NAA35: variants seen among roughly 807,000 people sequenced by gnomAD.
NAA35 encodes the protein N-alpha-acetyltransferase 35, NatC auxiliary subunit.
In NAA35, 18 loss-of-function variants were observed where a neutral mutation model predicts 101.7. The ratio of observed to expected loss-of-function variants is 0.18; its 90% confidence interval spans 0.12 to 0.26. The LOEUF (loss-of-function observed/expected upper bound fraction) is 0.26. Ranked by LOEUF, NAA35 falls within the 10% of genes least tolerant of loss-of-function variation. The probability of loss-of-function intolerance (pLI) is 1.00; values close to 1 mark genes in which losing one functional copy is unlikely to be tolerated. For synonymous variants in NAA35, 267 were observed against 273.1 expected (o/e 0.98, Z 0.22); for missense variants, 601 against 886.8 (o/e 0.68, Z 4.09).
At chr9:85,997,885 A>G (rs1483419551) in intron 12 of NAA35, among the ~76,000 whole-genome samples, 1 of 151,950 alleles carries the variant, frequency 6.6e-6, no homozygotes, top group Non-Finnish European at 1.5e-5. Context: ...ATACATATAT[A>G]TTTATGTATG....
Position 86,024,625 on chromosome 9 carries a change from T to C in NAA35, c.*2665T>C, listed in dbSNP as rs962567387. ...CAGAGGTACAGCTAATGGGACATGG[T>C]GAATGAGAGTTTCTGCCAAAATCAA... On this transcript the variant is annotated 3_prime_UTR_variant, in exon 23 of 23. Transcript: ENST00000361671. 1.3e-5 allele frequency among the ~76,000 whole-genome samples: 2 copies of C among 152,040 alleles called. No homozygotes were observed. The highest frequency in any genetic ancestry group is 4.8e-5 in the African/African-American group (2 of 41,380).
At chr9:85,951,381 A>C (rs1259959670) in intron 2 of NAA35, among the ~76,000 whole-genome samples, 2 of 152,168 alleles carry the variant, frequency 1.3e-5, no homozygotes, top group Non-Finnish European at 2.9e-5. Context: ...GCCTCACCAA[A>C]TATGTAGTTG....
chr9:86,021,051 C>A, intron 22 of NAA35, 82 bp downstream of exon 22: 1 of 1,025,126 alleles, frequency 9.8e-7, no homozygotes, highest in Non-Finnish European at 1.4e-6. Context: ...GTAAATATTA[C>A]AGGAAAAATT....
chr9:85,998,415 AT>A (rs1831272355), intron 12 of NAA35, among the ~76,000 whole-genome samples: 1 of 152,178 alleles, frequency 6.6e-6, no homozygotes, highest in Non-Finnish European at 1.5e-5. Flanking sequence ...ATTAAATTAC[AT>A]TTAGGTCATT....
chr9:85,989,838 G>A (rs981908732), intron 11 of NAA35, among the ~76,000 whole-genome samples: 6 of 152,124 alleles, frequency 3.9e-5, no homozygotes, highest in African/African-American at 1.4e-4. Context: ...GGAAGTAACG[G>A]GGAAGACTAA....
chr9:86,014,451 T>C (rs1832104026), intron 17 of NAA35: 1 of 604,000 alleles, frequency 1.7e-6, no homozygotes, highest in Admixed American at 6.3e-5. Flanking sequence ...TTGAGCATAT[T>C]TTAGGCATGT....
intron 1 of NAA35, chr9:85,941,712 G>C: frequency 2.0e-6 from 2 of 986,582 alleles, no homozygotes; most frequent in Non-Finnish European, 2.4e-6. Context: ...TGGCCCGGGA[G>C]AGGTCCCAGC....
chr9:85,979,572 T>G (rs1368225613), intron 11 of NAA35, among the ~76,000 whole-genome samples: 1 of 152,210 alleles, frequency 6.6e-6, no homozygotes, highest in East Asian at 1.9e-4. Context: ...TAAATTTTGC[T>G]TCTAAGAGAA....
At chr9:85,971,073 T>C (rs1267866806) in intron 6 of NAA35, among the ~76,000 whole-genome samples, 1 of 152,268 alleles carries the variant, frequency 6.6e-6, no homozygotes, top group Non-Finnish European at 1.5e-5. Flanking sequence ...TATTGGCATG[T>C]AAACATGCTT....
intron 17 of NAA35, among the ~76,000 whole-genome samples, chr9:86,014,125 C>T (rs1832084781): frequency 6.6e-6 from 1 of 152,128 alleles, no homozygotes; most frequent in East Asian, 1.9e-4. Context: ...CAAAAAATGA[C>T]TCCAAAGTAA....
At position 85,994,911 on chromosome 9, in the gene NAA35, C is replaced by T. The variant is rs192754287; in HGVS notation, c.878-1488C>T. ...GTTACCAGTACAAAGAAGAGAGAAA[C>T]GTTTGAAGTGACAGATATCCTAATT... On this transcript the variant is annotated intron_variant, in intron 11 of 22. Coordinates refer to ENST00000361671, the MANE Select transcript of NAA35 (RefSeq NM_024635.4). Among the ~76,000 whole-genome samples the T allele has an allele frequency of 1.3e-3, 200 of 152,170 alleles. 2 individuals are homozygous for T. The highest frequency in any genetic ancestry group is 4.7e-3 in the African/African-American group (196 of 41,544).
chr9:85,954,922 G>A (rs1829172819), intron 2 of NAA35, among the ~76,000 whole-genome samples: 1 of 152,038 alleles, frequency 6.6e-6, no homozygotes, highest in South Asian at 2.1e-4. Context: ...GTTTTGTTTT[G>A]TTTTGTTTTG....
chr9:85,949,286 TTTTTTTCTTTTTC>T (rs1828903441), intron 2 of NAA35, among the ~76,000 whole-genome samples: 1 of 150,240 alleles, frequency 6.7e-6, no homozygotes, highest in African/African-American at 2.5e-5. Flanking sequence ...CCTATTTTTC[TTTTTTTCTTTTTC>T]TTTTTTTTTT....
At chr9:85,953,422 A>G (rs1269512382) in intron 2 of NAA35, among the ~76,000 whole-genome samples, 1 of 151,944 alleles carries the variant, frequency 6.6e-6, no homozygotes, top group Non-Finnish European at 1.5e-5. Flanking sequence ...AGCAGTCTAC[A>G]CTATGACTTT....
intron 12 of NAA35, among the ~76,000 whole-genome samples, chr9:86,000,341 A>G (rs1461405880): frequency 2.0e-5 from 3 of 152,146 alleles, no homozygotes; most frequent in Non-Finnish European, 4.4e-5. Context: ...TTAATCAAAG[A>G]TATTGGCCTG....
intron 2 of NAA35, among the ~76,000 whole-genome samples, chr9:85,953,903 A>G (rs1222188546): frequency 6.6e-6 from 1 of 152,152 alleles, no homozygotes; most frequent in East Asian, 1.9e-4. Flanking sequence ...TTGTATGTGT[A>G]GACCATGGTT....
In NAA35 at chr9:85,969,449, A is replaced by G. The variant is rs971656568; in HGVS notation, c.517-5518A>G. ...GGTGATAACTTCTGTTTGTGCATTG[A>G]TCCCATGCTCTATCTTCAAAGATAC... On this transcript the variant is annotated intron_variant, in intron 6 of 22. Coordinates refer to ENST00000361671, the MANE Select transcript of NAA35 (RefSeq NM_024635.4). Among the ~76,000 whole-genome samples, 20 of 152,112 alleles carry G rather than the reference A, an allele frequency of 1.3e-4. No homozygotes were observed. In the South Asian group the frequency reaches 2.7e-3, roughly 21 times the overall value.
At chr9:85,949,700 A>G (rs1370973957) in intron 2 of NAA35, among the ~76,000 whole-genome samples, 1 of 151,920 alleles carries the variant, frequency 6.6e-6, no homozygotes, top group African/African-American at 2.4e-5. Context: ...CATTACAACT[A>G]TGGCTTGAGT....
chr9:85,942,071 T>A, intron 1 of NAA35, 84 bp from the exon 2 acceptor site: 3 of 1,541,814 alleles, frequency 1.9e-6, no homozygotes, highest in East Asian at 2.2e-5. Flanking sequence ...GACTTCATCC[T>A]ATGCTGAAAC....
Sources: gnomAD v4.1 joint callset for allele counts (sites outside exome capture counted in the v4.1 genomes callset) on GRCh38, gnomAD v4.1.1 for gene constraint, MANE v1.5 for transcripts, NCBI Gene and HGNC (gene_info 2026-07-23, HGNC 2026-07-21) for gene names.